Variants in LOC128462377 observed in about 807,000 individuals in gnomAD.
the LOC128462377 span, among the ~76,000 whole-genome samples, chr16:89,408,720 G>A: frequency 6.6e-6 from 1 of 151,448 alleles, no homozygotes; most frequent in Non-Finnish European, 1.5e-5. Flanking sequence ...CAGAGTCCCC[G>A]GGACTCACTC....
chr16:89,368,680 C>G, the LOC128462377 span, among the ~76,000 whole-genome samples: 2 of 150,446 alleles, frequency 1.3e-5, no homozygotes, highest in Non-Finnish European at 2.9e-5. Flanking sequence ...GGCTGAAGTG[C>G]TATAATTGCT....
chr16:89,317,084 A>G, the LOC128462377 span: 5 of 1,519,320 alleles, frequency 3.3e-6, no homozygotes, highest in East Asian at 9.5e-5. Flanking sequence ...GTCTGCTTCA[A>G]AAGAGAAGAC....
At chr16:89,409,083 G>A in the LOC128462377 span, among the ~76,000 whole-genome samples, 3 of 152,214 alleles carry the variant, frequency 2.0e-5, no homozygotes, top group Admixed American at 6.5e-5. Context: ...GAGCAGCCAA[G>A]GGAAGCTGGG....
chr16:89,403,933 A>C, the LOC128462377 span, among the ~76,000 whole-genome samples: 3,743 of 152,294 alleles, frequency 0.025, 143 homozygotes, highest in African/African-American at 0.085. Flanking sequence ...TTAAAAAAGC[A>C]AAACAACAAC....
the LOC128462377 span, chr16:89,395,852 G>A: frequency 6.6e-6 from 1 of 152,208 alleles, no homozygotes; most frequent in Non-Finnish European, 1.5e-5. Context: ...TGCTGGGGTG[G>A]TGCGGCAAGA....
At chr16:89,335,621 G>A in the LOC128462377 span, among the ~76,000 whole-genome samples, 2 of 151,814 alleles carry the variant, frequency 1.3e-5, no homozygotes, top group Non-Finnish European at 2.9e-5. Context: ...GCAAAGCCCC[G>A]TCACACACAC....
the LOC128462377 span, among the ~76,000 whole-genome samples, chr16:89,357,959 A>T: frequency 1.3e-5 from 2 of 152,336 alleles, no homozygotes; most frequent in South Asian, 2.1e-4. Context: ...AAACAATCAG[A>T]TTTAGTTATG....
At chr16:89,356,497 C>A in the LOC128462377 span, among the ~76,000 whole-genome samples, 1 of 151,576 alleles carries the variant, frequency 6.6e-6, no homozygotes, top group Non-Finnish European at 1.5e-5. Context: ...CAGGGCCAGG[C>A]GCGGTGGCTC....
At chr16:89,350,310 C>T in the LOC128462377 span, among the ~76,000 whole-genome samples, 4 of 152,106 alleles carry the variant, frequency 2.6e-5, no homozygotes, top group Non-Finnish European at 5.9e-5. Context: ...AACATGTGAC[C>T]GAGAAACCCA....
the LOC128462377 span, among the ~76,000 whole-genome samples, chr16:89,335,286 C>A: frequency 6.6e-6 from 1 of 152,140 alleles, no homozygotes; most frequent in Non-Finnish European, 1.5e-5. Flanking sequence ...CAGTGCACCC[C>A]CAAGCAGGGG....
chr16:89,405,896 G>C, the LOC128462377 span, among the ~76,000 whole-genome samples: 1 of 152,086 alleles, frequency 6.6e-6, no homozygotes, highest in Non-Finnish European at 1.5e-5. Context: ...GATCACCTGA[G>C]GACAGGAGTT....
At chr16:89,317,501 G>A in the LOC128462377 span, among the ~76,000 whole-genome samples, 2 of 152,254 alleles carry the variant, frequency 1.3e-5, no homozygotes, top group South Asian at 4.1e-4. Context: ...CAGCCCTCAG[G>A]TCTGGCAGGT....
At chr16:89,337,603 A>T in the LOC128462377 span, among the ~76,000 whole-genome samples, 1 of 151,150 alleles carries the variant, frequency 6.6e-6, no homozygotes. Context: ...TGCCCAGATA[A>T]TTTTTTTGTA....
At chr16:89,337,292 T>A in the LOC128462377 span, among the ~76,000 whole-genome samples, 3 of 151,990 alleles carry the variant, frequency 2.0e-5, no homozygotes, top group African/African-American at 7.3e-5. Flanking sequence ...AGGAGAGGAC[T>A]TCAGGTGGCT....
chr16:89,398,744 CA>C, the LOC128462377 span, among the ~76,000 whole-genome samples: 1,303 of 144,176 alleles, frequency 9.0e-3, 13 homozygotes, highest in African/African-American at 0.031. Flanking sequence ...ATTGTGTGTC[CA>C]AAAAAAAAAA....
chr16:89,378,718 T>C, the LOC128462377 span, among the ~76,000 whole-genome samples: 6 of 152,360 alleles, frequency 3.9e-5, no homozygotes, highest in African/African-American at 1.4e-4. Context: ...TAGCTGGGAT[T>C]ACAGGTGTGT....
At chr16:89,392,793 G>A in the LOC128462377 span, 1 of 149,578 alleles carries the variant, frequency 6.7e-6, no homozygotes, top group African/African-American at 2.5e-5. Flanking sequence ...GTCCCCCAAG[G>A]CTGCTTTTCT....
the LOC128462377 span, chr16:89,321,026 C>T: frequency 2.0e-5 from 3 of 152,588 alleles, no homozygotes; most frequent in Admixed American, 2.0e-4. Context: ...AGGGAAGGCA[C>T]AGGGCAGGTT....
At chr16:89,336,925 T>G in the LOC128462377 span, among the ~76,000 whole-genome samples, 1 of 148,710 alleles carries the variant, frequency 6.7e-6, no homozygotes, top group Non-Finnish European at 1.5e-5. Flanking sequence ...ATCCTAGCAC[T>G]TTAGGAGGCC....
Sources: allele counts gnomAD v4.1 joint callset (sites outside exome capture counted in the v4.1 genomes callset), GRCh38; gene constraint gnomAD v4.1.1; transcripts MANE v1.5.